The following NRG3 variants were observed in gnomAD, a reference collection of about 807,000 sequenced individuals.
NRG3 encodes neuregulin 3.
In NRG3, 31 loss-of-function variants were observed where a neutral mutation model predicts 66.9. The ratio of observed to expected loss-of-function variants is 0.46; its 90% CI spans 0.35 to 0.63. The LOEUF (loss-of-function observed/expected upper bound fraction) is 0.63. Among genes scored for constraint, NRG3 ranks in the 20% least tolerant of loss-of-function variants. The pLI is 0.00. For missense variants in NRG3, 910 were observed against 878.9 expected (o/e 1.04, Z -0.45); for synonymous variants, 393 against 359.4 (o/e 1.09, Z -1.06).
intron 3 of NRG3, among the ~76,000 whole-genome samples, chr10:82,813,097 C>A (rs758122549): frequency 2.6e-5 from 4 of 151,852 alleles, no homozygotes; most frequent in Non-Finnish European, 4.4e-5. Flanking sequence ...TCACTCATGG[C>A]AGACCACAGC....
At position 82,064,605 on chromosome 10, in the gene NRG3, G is replaced by A. The variant is rs759040182; in HGVS notation, c.823+188442G>A. ...GATAAATGTAAAGCTATAGACGGACGATCAAGGAGTAATGCATGAAGATGA... is the reference window on the plus strand; with the variant it reads ...GATAAATGTAAAGCTATAGACGGACAATCAAGGAGTAATGCATGAAGATGA... On this transcript the variant is annotated intron_variant, in intron 1 of 8. Coordinates refer to ENST00000372141, the MANE Select transcript of NRG3 (RefSeq NM_001010848.4). Among the ~76,000 whole-genome samples, 52 of 152,208 alleles carry A rather than the reference G, an allele frequency of 3.4e-4. 1 individual carries two copies. Among genetic ancestry groups the A allele is most frequent in the Admixed American group, 2.0e-3 (31 of 15,286 alleles).
At chr10:82,655,389 A>T (rs1231787540) in intron 2 of NRG3, among the ~76,000 whole-genome samples, 1 of 152,170 alleles carries the variant, frequency 6.6e-6, no homozygotes, top group African/African-American at 2.4e-5. Flanking sequence ...AAACAATAGG[A>T]TATTTTTAAG....
intron 1 of NRG3, among the ~76,000 whole-genome samples, chr10:82,122,611 C>T (rs1307707557): frequency 6.6e-6 from 1 of 152,086 alleles, no homozygotes; most frequent in African/African-American, 2.4e-5. Context: ...CTTGTCCAGG[C>T]AGTTATATTA....
chr10:82,118,289 C>A (rs1465511809), intron 1 of NRG3, among the ~76,000 whole-genome samples: 1 of 150,990 alleles, frequency 6.6e-6, no homozygotes, highest in Non-Finnish European at 1.5e-5. Flanking sequence ...GGGTTAGCAT[C>A]CAGGGGCCCT....
chr10:82,644,022 T>C (rs1005846460), intron 2 of NRG3, among the ~76,000 whole-genome samples: 1 of 152,158 alleles, frequency 6.6e-6, no homozygotes, highest in Non-Finnish European at 1.5e-5. Flanking sequence ...AATTGAGTTA[T>C]AGCAGCAGTG....
chr10:82,189,816 A>T (rs1220583938), intron 1 of NRG3, among the ~76,000 whole-genome samples: 1 of 151,688 alleles, frequency 6.6e-6, no homozygotes, highest in African/African-American at 2.4e-5. Flanking sequence ...TAAATAAATT[A>T]GCCAGATGTG....
At chr10:82,486,776 C>T (rs999453885) in intron 2 of NRG3, among the ~76,000 whole-genome samples, 6 of 152,088 alleles carry the variant, frequency 3.9e-5, no homozygotes, top group Admixed American at 6.6e-5. Context: ...AATGCTATAA[C>T]ATGGATCAAC....
intron 1 of NRG3, among the ~76,000 whole-genome samples, chr10:82,080,291 A>G (rs1409737564): frequency 1.3e-5 from 2 of 152,104 alleles, no homozygotes; most frequent in Non-Finnish European, 2.9e-5. Flanking sequence ...CCTTGCCTTC[A>G]ACAACCCTGG....
chr10:82,355,990 A>C (rs2083757793), intron 1 of NRG3, among the ~76,000 whole-genome samples: 1 of 152,298 alleles, frequency 6.6e-6, no homozygotes, highest in Middle Eastern at 3.4e-3. Flanking sequence ...ATTTTAAATT[A>C]ATTTGGAGAT....
At chr10:82,953,957 C>CAAA (rs5786582) in intron 5 of NRG3, among the ~76,000 whole-genome samples, 9 of 141,786 alleles carry the variant, frequency 6.3e-5, no homozygotes, top group South Asian at 2.2e-4. Context: ...GATTCAGTCT[C>CAAA]AAAAAAAAAA....
chr10:82,780,234 C>T (rs1267566179), intron 3 of NRG3, among the ~76,000 whole-genome samples: 2 of 152,048 alleles, frequency 1.3e-5, no homozygotes, highest in Non-Finnish European at 2.9e-5. Context: ...TGGGTATATA[C>T]CCAGTAATGG....
intron 2 of NRG3, among the ~76,000 whole-genome samples, chr10:82,377,092 A>C (rs1332142872): frequency 1.3e-5 from 2 of 152,106 alleles, no homozygotes; most frequent in East Asian, 3.9e-4. Flanking sequence ...TCTTTGATTG[A>C]TGTATATTTT....
In NRG3 at chr10:82,439,955, G is replaced by A. The variant is rs1018382656; in HGVS notation, c.953+81087G>A. Among the ~76,000 whole-genome samples, 3 of 151,798 alleles carry A rather than the reference G, an allele frequency of 2.0e-5. No homozygotes were observed. In the East Asian group the frequency reaches 5.8e-4, roughly 29 times the overall value. On this transcript the variant is annotated intron_variant, in intron 2 of 8. Coordinates refer to ENST00000372141, the MANE Select transcript of NRG3 (RefSeq NM_001010848.4). ...TTTGTTGTTGCTTTGTTTTGTTTTA[G>A]GTTTCATAAAATAAGTTTTAGAACA...
intron 1 of NRG3, among the ~76,000 whole-genome samples, chr10:82,147,103 A>T (rs1051092530): frequency 6.6e-6 from 1 of 152,238 alleles, no homozygotes; most frequent in Non-Finnish European, 1.5e-5. Flanking sequence ...GTTGGGGGTC[A>T]TCACTATTTC....
chr10:82,646,856 G>A (rs1270652597), intron 2 of NRG3, among the ~76,000 whole-genome samples: 2 of 152,020 alleles, frequency 1.3e-5, no homozygotes, highest in African/African-American at 4.8e-5. Context: ...CTGTCAGAAG[G>A]TAGTAAGTTG....
At chr10:82,018,588 G>C (rs1217448200) in intron 1 of NRG3, among the ~76,000 whole-genome samples, 2 of 152,086 alleles carry the variant, frequency 1.3e-5, no homozygotes, top group Admixed American at 1.3e-4. Context: ...TCTTCCATTT[G>C]TTTGTATCCT....
intron 4 of NRG3, among the ~76,000 whole-genome samples, chr10:82,914,390 T>C (rs1845634497): frequency 6.6e-6 from 1 of 152,158 alleles, no homozygotes; most frequent in African/African-American, 2.4e-5. Flanking sequence ...ACATATTAGG[T>C]AAAAGGGATT....
At chr10:82,673,534 A>T (rs573911014) in intron 2 of NRG3, among the ~76,000 whole-genome samples, 64 of 152,218 alleles carry the variant, frequency 4.2e-4, no homozygotes, top group Non-Finnish European at 6.5e-4. Context: ...TTAAGGTGAC[A>T]TAGATTGCTG....
At chr10:82,371,544 G>A (rs769160564) in intron 2 of NRG3, among the ~76,000 whole-genome samples, 1 of 152,154 alleles carries the variant, frequency 6.6e-6, no homozygotes, top group Admixed American at 6.5e-5. Context: ...GAGGGGTTGA[G>A]TTGGATATTT....
Sources: allele counts gnomAD v4.1 joint callset (sites outside exome capture counted in the v4.1 genomes callset), GRCh38; gene constraint gnomAD v4.1.1; transcripts MANE v1.5; gene names NCBI Gene and HGNC (gene_info 2026-07-23, HGNC 2026-07-21).